NDUFAF2: variants seen among roughly 807,000 people sequenced by gnomAD.
NDUFAF2 encodes the protein NADH dehydrogenase [ubiquinone] 1 alpha subcomplex assembly factor 2.
In NDUFAF2, 13 loss-of-function variants were observed where a neutral mutation model predicts 22.8. The ratio of observed to expected loss-of-function variants is 0.57; its 90% CI spans 0.37 to 0.91. NDUFAF2 has a LOEUF of 0.91. Ranked by LOEUF, NDUFAF2 falls within the 40% of genes least tolerant of loss-of-function variation. NDUFAF2 has a pLI of 0.01. For missense variants in NDUFAF2, 162 were observed against 195.2 expected, an observed-to-expected ratio of 0.83 and a Z score of 1.01; for synonymous variants, 53 against 64.2, an observed-to-expected ratio of 0.83 and a Z score of 0.84.
intron 2 of NDUFAF2, among the ~76,000 whole-genome samples, chr5:61,073,439 A>G (rs951998522): frequency 2.6e-5 from 4 of 152,232 alleles, no homozygotes; most frequent in African/African-American, 9.6e-5. Context: ...ATTAAGCATT[A>G]TCAGAGCTGA....
chr5:60,987,120 A>C (rs1216244495), intron 1 of NDUFAF2, among the ~76,000 whole-genome samples: 5 of 152,222 alleles, frequency 3.3e-5, no homozygotes, highest in Admixed American at 2.0e-4. Context: ...ACAGAAATAC[A>C]GATAACCATC....
intron 1 of NDUFAF2, among the ~76,000 whole-genome samples, chr5:61,063,722 CA>C (rs1752194400): frequency 6.6e-6 from 1 of 151,642 alleles, no homozygotes; most frequent in Non-Finnish European, 1.5e-5. Context: ...GACCACAAAA[CA>C]AAAAACTACA....
At chr5:61,117,971 C>T (rs1374618951) in intron 3 of NDUFAF2, among the ~76,000 whole-genome samples, 1 of 152,148 alleles carries the variant, frequency 6.6e-6, no homozygotes, top group East Asian at 1.9e-4. Flanking sequence ...GCCTATACCA[C>T]TGGATACACA....
At chr5:61,148,207 T>A (rs1211664371) in intron 3 of NDUFAF2, among the ~76,000 whole-genome samples, 1 of 152,176 alleles carries the variant, frequency 6.6e-6, no homozygotes, top group Non-Finnish European at 1.5e-5. Context: ...CCACCCTGTG[T>A]AGCAACCAGT....
At chr5:61,039,600 A>G (rs990348252) in intron 1 of NDUFAF2, among the ~76,000 whole-genome samples, 3 of 152,176 alleles carry the variant, frequency 2.0e-5, no homozygotes, top group Admixed American at 6.6e-5. Flanking sequence ...TGTTTTGCCA[A>G]TTAACTTAGA....
intron 3 of NDUFAF2, among the ~76,000 whole-genome samples, chr5:61,101,215 G>A (rs1290889614): frequency 6.6e-6 from 1 of 151,958 alleles, no homozygotes; most frequent in Non-Finnish European, 1.5e-5. Context: ...GAAATTATAA[G>A]GCAAATTCCA....
At chr5:60,985,798 C>T (rs909315003) in intron 1 of NDUFAF2, among the ~76,000 whole-genome samples, 2 of 152,224 alleles carry the variant, frequency 1.3e-5, no homozygotes, top group South Asian at 4.2e-4. Context: ...TCAGGAAGGA[C>T]CCGCCCCTAT....
chr5:61,056,921 TATATATATATA>T (rs1561553127), intron 1 of NDUFAF2, among the ~76,000 whole-genome samples: 1 of 18,716 alleles, frequency 5.3e-5, no homozygotes, highest in South Asian at 2.9e-3. Flanking sequence ...AAAAAAAAAA[TATATATATATA>T]TATATATATA....
chr5:61,137,588 G>A (rs1740983035), intron 3 of NDUFAF2, among the ~76,000 whole-genome samples: 1 of 152,160 alleles, frequency 6.6e-6, no homozygotes, highest in Admixed American at 6.5e-5. Flanking sequence ...AGAACTGAAA[G>A]AAAAAGACTT....
At chr5:60,987,351 A>G (rs1751096026) in intron 1 of NDUFAF2, among the ~76,000 whole-genome samples, 1 of 152,246 alleles carries the variant, frequency 6.6e-6, no homozygotes, top group East Asian at 1.9e-4. Flanking sequence ...CACCAGATGT[A>G]TAAAGAAGAG....
intron 3 of NDUFAF2, among the ~76,000 whole-genome samples, chr5:61,143,751 G>A (rs1741089877): frequency 6.6e-6 from 1 of 152,010 alleles, no homozygotes. Context: ...CTTGAAAATA[G>A]TGAACTTTCT....
chr5:60,945,212 C>A lies in NDUFAF2; in HGVS notation c.-44C>A, dbSNP rs763048023. 13 of 1,605,888 alleles carry A rather than the reference C, an allele frequency of 8.1e-6. No individual in the cohort carries two copies. The highest frequency in any genetic ancestry group is 1.7e-5 in the Admixed American group (1 of 58,866). On this transcript the variant is annotated 5_prime_UTR_variant, in exon 1 of 4. The change creates a new upstream start codon in the 5' untranslated region. Coordinates refer to ENST00000296597, the MANE Select transcript of NDUFAF2 (RefSeq NM_174889.5). ...GTCGGCGGCTGGAGCATTACCCCTA[C>A]TGCGGGTCCCGCTGCTGGCAGCGCT...
chr5:60,958,188 T>C (rs1381010155), intron 1 of NDUFAF2, among the ~76,000 whole-genome samples: 1 of 152,206 alleles, frequency 6.6e-6, no homozygotes, highest in African/African-American at 2.4e-5. Flanking sequence ...TATTGACTAC[T>C]GCTCTAAGCA....
intron 1 of NDUFAF2, among the ~76,000 whole-genome samples, chr5:60,993,643 G>C: frequency 6.6e-6 from 1 of 151,948 alleles, no homozygotes; most frequent in South Asian, 2.1e-4. Context: ...TCCTCTCTGC[G>C]GGTGGTCATC....
chr5:60,960,805 G>A (rs34089429), intron 1 of NDUFAF2, among the ~76,000 whole-genome samples: 30,282 of 152,046 alleles, frequency 0.2, 3,588 homozygotes, highest in Non-Finnish European at 0.27. Context: ...CCGTTTAGGT[G>A]ACTGGTGCCT....
intron 1 of NDUFAF2, among the ~76,000 whole-genome samples, chr5:61,065,088 A>G (rs1403520273): frequency 6.6e-6 from 1 of 152,136 alleles, no homozygotes; most frequent in African/African-American, 2.4e-5. Context: ...TATGCCAACA[A>G]ATTGGATAAC....
At chr5:61,092,548 A>G (rs1450007975) in intron 2 of NDUFAF2, among the ~76,000 whole-genome samples, 1 of 152,164 alleles carries the variant, frequency 6.6e-6, no homozygotes, top group East Asian at 1.9e-4. Flanking sequence ...CAATTTTTGC[A>G]CATTGATTTT....
At chr5:61,132,978 A>G (rs548949356) in intron 3 of NDUFAF2, among the ~76,000 whole-genome samples, 5 of 146,190 alleles carry the variant, frequency 3.4e-5, no homozygotes, top group South Asian at 4.4e-4. Flanking sequence ...TGTCTTCATA[A>G]TGGTGGCGGG....
At chr5:61,050,399 T>A (rs1266638250) in intron 1 of NDUFAF2, 1 of 152,132 alleles carries the variant, frequency 6.6e-6, no homozygotes, top group Non-Finnish European at 1.5e-5. Flanking sequence ...AAGTCTAAAT[T>A]TGAATACTGT....
Sources: allele counts gnomAD v4.1 joint callset (sites outside exome capture counted in the v4.1 genomes callset), GRCh38; gene constraint gnomAD v4.1.1; transcripts MANE v1.5; gene names NCBI Gene and HGNC (gene_info 2026-07-23, HGNC 2026-07-21).